The following EEA1 variants were observed in gnomAD, a reference collection of about 807,000 sequenced individuals.
EEA1 encodes the protein early endosome antigen 1.
A neutral mutation model predicts 209.2 loss-of-function variants in EEA1; 111 were observed. That is an observed-to-expected ratio of 0.53 (90% CI 0.45 to 0.62). The LOEUF (loss-of-function observed/expected upper bound fraction) is 0.62, where lower values mean the gene tolerates loss of function less well. Ranked by LOEUF, EEA1 falls within the 20% of genes least tolerant of loss-of-function variation. The pLI is 0.00. For synonymous variants in EEA1, 536 were observed against 540.6 expected, an observed-to-expected ratio of 0.99 and a Z score of 0.12; for missense variants, 1,343 against 1,530.8, an observed-to-expected ratio of 0.88 and a Z score of 2.05.
At chr12:92,848,312 C>G (rs1176350627) in intron 9 of EEA1, among the ~76,000 whole-genome samples, 1 of 151,726 alleles carries the variant, frequency 6.6e-6, no homozygotes, top group African/African-American at 2.4e-5. Flanking sequence ...ATTCTTTCAC[C>G]TCCCTATCTT....
chr12:92,800,020 C>G (rs1270126728), intron 20 of EEA1, among the ~76,000 whole-genome samples: 1 of 151,682 alleles, frequency 6.6e-6, no homozygotes, highest in Non-Finnish European at 1.5e-5. Context: ...GTCAGGAGCT[C>G]GAGACCAGCC....
chr12:92,859,309 A>G (rs1013626029), intron 3 of EEA1: 13 of 1,414,762 alleles, frequency 9.2e-6, no homozygotes, highest in South Asian at 1.2e-5. Context: ...ACTTGTTGGC[A>G]AAGGCAACAG....
chr12:92,923,172 C>T (rs1002598060), intron 1 of EEA1, among the ~76,000 whole-genome samples: 4 of 151,636 alleles, frequency 2.6e-5, no homozygotes, highest in Admixed American at 1.3e-4. Context: ...ACAGTGAAAC[C>T]CTGTCTCTAC....
Position 92,857,596 on chromosome 12 carries a change from C to A in EEA1, c.246-111G>T, listed in dbSNP as rs74823525. Reference sequence around the variant, plus strand: ...TATTAATATTATAGTTTTTTCAATTCAAAAAAAAACTACGGAAGATTTTAT... The same window carrying A: ...TATTAATATTATAGTTTTTTCAATTAAAAAAAAAACTACGGAAGATTTTAT... On this transcript the variant is annotated intron_variant, in intron 3 of 28. Transcript: ENST00000322349. The A allele has an allele frequency of 0.084, 49,364 of 590,718 alleles. 2,260 individuals carry two copies. Among genetic ancestry groups the A allele is most frequent in the Non-Finnish European group, 0.095 (35,171 of 369,554 alleles). 36.6% of individuals were successfully genotyped at this position (590,718 alleles called of 1,614,324 possible). A position where few individuals can be genotyped will look rare whatever the true frequency, so the allele number is the denominator to read the frequency against.
chr12:92,853,115 A>ATC, intron 6 of EEA1, 90 bp from the exon 7 acceptor site: 1 of 842,838 alleles, frequency 1.2e-6, no homozygotes, highest in Non-Finnish European at 1.8e-6. Flanking sequence ...TGTAAAGATG[A>ATC]TCAACTTAAG....
Position 92,772,054 on chromosome 12 carries a change from C to T in EEA1, c.*3957G>A, listed in dbSNP as rs1565800593. 6.6e-6 allele frequency: 1 copy of T among 150,994 alleles called. No homozygotes were observed. The highest frequency in any genetic ancestry group is 1.5e-5 in the Non-Finnish European group (1 of 67,706). 9.4% of individuals were successfully genotyped at this position (150,994 alleles called of 1,614,324 possible). On this transcript the variant is annotated 3_prime_UTR_variant, in exon 29 of 29. Coordinates refer to ENST00000322349, the MANE Select transcript of EEA1 (RefSeq NM_003566.4). ...ATTCGAATGAAGGGATCACGGGGGT[C>T]AGAACAAAAACCATTCTAGAACCGT...
intron 2 of EEA1, among the ~76,000 whole-genome samples, chr12:92,888,349 A>G (rs7958902): frequency 0.95 from 145,205 of 152,284 alleles, 69,262 homozygotes; most frequent in East Asian, 1. Flanking sequence ...GGGAGGCCGA[A>G]GCAAGTGGAC....
intron 20 of EEA1, among the ~76,000 whole-genome samples, chr12:92,801,266 A>C (rs1874896114): frequency 6.6e-6 from 1 of 152,082 alleles, no homozygotes; most frequent in Non-Finnish European, 1.5e-5. Flanking sequence ...AACCATAAAA[A>C]TGGTCCTTAA....
intron 1 of EEA1, among the ~76,000 whole-genome samples, chr12:92,910,393 C>T (rs374709060): frequency 4.0e-5 from 6 of 151,214 alleles, no homozygotes; most frequent in Non-Finnish European, 5.9e-5. Context: ...CGCTTGAACT[C>T]GGGAGGCGGA....
At chr12:92,852,134 A>C in intron 8 of EEA1, 41 bp downstream of exon 8, 1 of 1,411,508 alleles carries the variant, frequency 7.1e-7, no homozygotes. Context: ...TTAATTTAGA[A>C]AGGTATAAGA....
intron 1 of EEA1, among the ~76,000 whole-genome samples, chr12:92,913,972 T>C (rs73209553): frequency 6.6e-6 from 1 of 152,318 alleles, no homozygotes; most frequent in Non-Finnish European, 1.5e-5. Flanking sequence ...TACATCTAAG[T>C]CTTTAATCCT....
At chr12:92,841,050 T>A (rs1328770833) in intron 10 of EEA1, among the ~76,000 whole-genome samples, 1 of 152,206 alleles carries the variant, frequency 6.6e-6, no homozygotes, top group Non-Finnish European at 1.5e-5. Flanking sequence ...ACACCAAATC[T>A]GCTAGTGCCT....
Position 92,778,020 on chromosome 12 carries a change from C to G in EEA1, c.3814G>C (p.Asp1272His), listed in dbSNP as rs1873735960. Residue 1272 changes from aspartate to histidine, a missense_variant, in exon 26 of 29, where the codon GAT (aspartate) becomes CAT (histidine). Around this residue, in one of 3 missense-constraint regions of EEA1, gnomAD observed 1,307 missense variants for 1,465.5 expected, o/e 0.89. Transcript: ENST00000322349. ...RRVSELEKQT[D>H]DLRGEIAVLE... The stretch of plus-strand genomic sequence containing the variant: ...ACTGCAATTTCACCCCGTAAGTCAT[C>G]CGTTTGTTTCTCAAGCTCACTAACT... 1 of 1,613,398 alleles carries G rather than the reference C, an allele frequency of 6.2e-7. No homozygotes were observed. Among genetic ancestry groups the G allele is most frequent in the Admixed American group, 1.7e-5 (1 of 59,918 alleles).
At chr12:92,857,168 T>C (rs1252360186) in intron 5 of EEA1, 107 bp downstream of exon 5, 1 of 729,768 alleles carries the variant, frequency 1.4e-6, no homozygotes, top group Non-Finnish European at 2.2e-6. Flanking sequence ...AATTAGGAAG[T>C]TATTTATATC....
At chr12:92,876,830 C>CA (rs200862903) in intron 2 of EEA1, among the ~76,000 whole-genome samples, 35,893 of 108,100 alleles carry the variant, frequency 0.33, 5,078 homozygotes, top group Non-Finnish European at 0.39. Flanking sequence ...AGCTGATCAC[C>CA]AAAAAAAAAA....
rs779284806 is a variant in EEA1, at chr12:92,851,093, TAC to T, written c.798+16_798+17del. 2 of 1,611,856 alleles carry T rather than the reference TAC, an allele frequency of 1.2e-6. No individual in the cohort carries two copies. The highest frequency in any genetic ancestry group is 2.2e-5 in the South Asian group (2 of 90,864). ...CAAGCTAATATGAATCACATTTAAG[TAC>T]AATGAACTTCATTACCTCTGAGCTA... On this transcript the variant is annotated intron_variant, in intron 9 of 28. Transcript: ENST00000322349.
At chr12:92,891,994 A>C (rs547897218) in intron 1 of EEA1, among the ~76,000 whole-genome samples, 46 of 152,326 alleles carry the variant, frequency 3.0e-4, no homozygotes, top group African/African-American at 1.1e-3. Flanking sequence ...ATATTTAATC[A>C]AAATGACATC....
intron 1 of EEA1, 148 bp from the exon 2 acceptor site, chr12:92,891,869 G>C: frequency 1.8e-6 from 1 of 556,606 alleles, no homozygotes; most frequent in Non-Finnish European, 3.1e-6. Flanking sequence ...TTATGGAAGA[G>C]TGTACCTAAT....
intron 13 of EEA1, 55 bp downstream of exon 13, chr12:92,826,111 T>C (rs1166027107): frequency 3.8e-6 from 6 of 1,561,626 alleles, no homozygotes; most frequent in Non-Finnish European, 5.2e-6. Context: ...TCTTATATTC[T>C]ATGTAATGGT....
Sources: gnomAD v4.1 joint callset for allele counts (sites outside exome capture counted in the v4.1 genomes callset) on GRCh38, gnomAD v4.1.1 for gene constraint, gnomAD v4.1.1 regional missense constraint, MANE v1.5 for transcripts, NCBI Gene and HGNC (gene_info 2026-07-23, HGNC 2026-07-21) for gene names.